Variants in WDFY2 observed in about 807,000 individuals in gnomAD.
WDFY2 encodes WD repeat and FYVE domain-containing protein 2.
Under a neutral mutation model 56.4 loss-of-function variants are expected in WDFY2, and 36 were observed. The observed-to-expected ratio is 0.64, with a 90% CI of 0.49 to 0.84. The LOEUF (loss-of-function observed/expected upper bound fraction) is 0.84, where lower values mean the gene tolerates loss of function less well. WDFY2 is among the 40% of genes least tolerant of loss of function. The pLI is 0.00. For synonymous variants in WDFY2, 176 were observed against 183.7 expected, an observed-to-expected ratio of 0.96 and a Z score of 0.34; for missense variants, 444 against 512.2, an observed-to-expected ratio of 0.87 and a Z score of 1.29.
intron 7 of WDFY2, among the ~76,000 whole-genome samples, chr13:51,741,511 A>G (rs1171583048): frequency 6.6e-6 from 1 of 152,188 alleles, no homozygotes; most frequent in Non-Finnish European, 1.5e-5. Context: ...TGCCAGAAGT[A>G]GGGAGATGGC....
intron 6 of WDFY2, among the ~76,000 whole-genome samples, chr13:51,737,523 A>G (rs1007241353): frequency 9.7e-5 from 12 of 123,636 alleles, no homozygotes; most frequent in African/African-American, 3.4e-4. Context: ...TAGAGCTTCT[A>G]TTCTACTGGG....
Position 51,611,983 on chromosome 13 carries a change from A to G in WDFY2, c.137+27159A>G, listed in dbSNP as rs192061122. Reference sequence around the variant, plus strand: ...TGAATATGGCAGAAAAGAAATATGGAAAGAGCCAGCCGTCAAATGAACCAA... The same window carrying G: ...TGAATATGGCAGAAAAGAAATATGGGAAGAGCCAGCCGTCAAATGAACCAA... On this transcript the variant is annotated intron_variant, in intron 1 of 11. Coordinates refer to ENST00000298125, the MANE Select transcript of WDFY2 (RefSeq NM_052950.4). Among the ~76,000 whole-genome samples, 70 of 152,278 alleles carry G rather than the reference A, an allele frequency of 4.6e-4. 1 individual carries two copies. The highest frequency in any genetic ancestry group is 1.6e-3 in the African/African-American group (67 of 41,566).
chr13:51,641,283 G>A (rs1955150324), intron 1 of WDFY2, among the ~76,000 whole-genome samples: 1 of 151,780 alleles, frequency 6.6e-6, no homozygotes, highest in South Asian at 2.1e-4. Context: ...TCTTGGCCAG[G>A]CTCGTCTTGA....
At chr13:51,639,680 A>G (rs1327524836) in intron 1 of WDFY2, among the ~76,000 whole-genome samples, 1 of 152,216 alleles carries the variant, frequency 6.6e-6, no homozygotes, top group Non-Finnish European at 1.5e-5. Flanking sequence ...CATAAAGGAA[A>G]GTAGATGGAT....
chr13:51,719,198 C>T lies in WDFY2; in HGVS notation c.335C>T (p.Ala112Val), dbSNP rs371450201. The change falls in exon 5 of 12, where the codon GCG becomes GTG. Residue 112 changes from alanine (A) to valine (V), a missense_variant and splice_region_variant. Coordinates refer to ENST00000298125, the MANE Select transcript of WDFY2 (RefSeq NM_052950.4). ...NKMTPVKNYQ[A>V]HQSRVTMILF... ...TGTTTTCTTTTCTCTTGGTTTTCAG[C>T]GCATCAGAGCAGAGTGACGATGATC... is the stretch of plus-strand genomic sequence containing the variant. 33 of 1,614,030 alleles carry T rather than the reference C, an allele frequency of 2.0e-5. No homozygotes were observed. Among genetic ancestry groups the T allele is most frequent in the African/African-American group, 9.3e-5 (7 of 74,888 alleles).
chr13:51,588,694 AAG>A (rs1953989852), intron 1 of WDFY2: 1 of 152,186 alleles, frequency 6.6e-6, no homozygotes, highest in African/African-American at 2.4e-5. Context: ...CCCATTCATT[AAG>A]AAGCACTAGA....
intron 1 of WDFY2, chr13:51,587,572 A>G (rs781560998): frequency 6.6e-5 from 10 of 152,178 alleles, no homozygotes; most frequent in Non-Finnish European, 1.2e-4. Flanking sequence ...GTACTTCAAA[A>G]CTCTGAAAGT....
intron 5 of WDFY2, among the ~76,000 whole-genome samples, chr13:51,720,882 A>G (rs547146639): frequency 3.9e-5 from 6 of 152,040 alleles, no homozygotes; most frequent in South Asian, 2.1e-4. Context: ...TCTACAAACA[A>G]CATCACACTG....
intron 2 of WDFY2, among the ~76,000 whole-genome samples, chr13:51,668,278 A>G (rs1216439682): frequency 6.6e-6 from 1 of 152,054 alleles, no homozygotes. Flanking sequence ...TATTTAGCAT[A>G]CTCTTCTTTG....
chr13:51,734,212 G>A (rs945394765), intron 6 of WDFY2, among the ~76,000 whole-genome samples: 1 of 151,986 alleles, frequency 6.6e-6, no homozygotes, highest in Non-Finnish European at 1.5e-5. Flanking sequence ...CTTTTGCAAG[G>A]TATGTGGTAA....
chr13:51,653,955 C>T lies in WDFY2; in HGVS notation c.138-6641C>T, dbSNP rs979226363. 3.9e-5 allele frequency among the ~76,000 whole-genome samples: 6 copies of T among 152,346 alleles called. No homozygotes were observed. The South Asian group carries it at 1.0e-3, about 26-fold the overall frequency. On this transcript the variant is annotated intron_variant, in intron 1 of 11. Coordinates refer to ENST00000298125, the MANE Select transcript of WDFY2 (RefSeq NM_052950.4). ...GGCTGTCAGACAGGGACATGTAAGT[C>T]TGCAGAGGTTTCTGCTGCCTTTTGT...
intron 3 of WDFY2, among the ~76,000 whole-genome samples, chr13:51,683,718 C>T (rs774769530): frequency 6.6e-6 from 1 of 152,186 alleles, no homozygotes; most frequent in Non-Finnish European, 1.5e-5. Context: ...GGTGTTGCTC[C>T]ACCTACTGTG....
chr13:51,585,114 G>T (rs993353451), intron 1 of WDFY2, among the ~76,000 whole-genome samples: 1 of 152,240 alleles, frequency 6.6e-6, no homozygotes, highest in Non-Finnish European at 1.5e-5. Context: ...AGGGACTTTG[G>T]TCCATCCCTG....
intron 6 of WDFY2, among the ~76,000 whole-genome samples, chr13:51,729,295 T>TC (rs1180172441): frequency 2.0e-5 from 3 of 151,710 alleles, no homozygotes; most frequent in Admixed American, 2.0e-4. Context: ...CCTCTCCCTG[T>TC]CCTCAGTTCA....
intron 3 of WDFY2, among the ~76,000 whole-genome samples, chr13:51,676,883 T>A (rs985034937): frequency 1.3e-5 from 2 of 152,196 alleles, no homozygotes; most frequent in African/African-American, 4.8e-5. Context: ...AAAGGAAATA[T>A]GAAAAGGTGA....
intron 2 of WDFY2, among the ~76,000 whole-genome samples, chr13:51,668,131 G>A (rs1187516242): frequency 6.6e-6 from 1 of 151,744 alleles, no homozygotes; most frequent in African/African-American, 2.4e-5. Context: ...CACCTGCCTC[G>A]GCCTCCCAAA....
intron 11 of WDFY2, among the ~76,000 whole-genome samples, chr13:51,758,658 AGAAAT>A (rs1423808805): frequency 1.4e-4 from 21 of 152,202 alleles, no homozygotes; most frequent in Non-Finnish European, 2.9e-5. Flanking sequence ...CTCTACACAA[AGAAAT>A]AAGACAGAGC....
intron 1 of WDFY2, among the ~76,000 whole-genome samples, chr13:51,624,150 G>T (rs1593894109): frequency 6.6e-6 from 1 of 152,204 alleles, no homozygotes; most frequent in South Asian, 2.1e-4. Context: ...TTTTCTTGGG[G>T]CAGTTTGGAC....
intron 3 of WDFY2, among the ~76,000 whole-genome samples, chr13:51,697,464 C>G (rs1001527801): frequency 1.3e-5 from 2 of 152,020 alleles, no homozygotes; most frequent in Non-Finnish European, 2.9e-5. Flanking sequence ...AAAACGCCAT[C>G]TCTACAAAAA....
Sources: gnomAD v4.1 joint callset for allele counts (sites outside exome capture counted in the v4.1 genomes callset) on GRCh38, gnomAD v4.1.1 for gene constraint, MANE v1.5 for transcripts, NCBI Gene and HGNC (gene_info 2026-07-23, HGNC 2026-07-21) for gene names.